The following HS3ST4 variants were observed in gnomAD, a reference collection of about 807,000 sequenced individuals.
HS3ST4 encodes heparan sulfate-glucosamine 3-sulfotransferase 4.
HS3ST4 carries 17 observed loss-of-function variants against 29.2 expected under a neutral mutation model. The observed-to-expected ratio is 0.58, with a 90% CI of 0.40 to 0.87. The LOEUF (loss-of-function observed/expected upper bound fraction) is 0.87. Among genes scored for constraint, HS3ST4 ranks in the 40% least tolerant of loss-of-function variants. The pLI is 0.00. For synonymous variants in HS3ST4, 314 were observed against 285.7 expected (o/e 1.10, Z -1.00); for missense variants, 627 against 634.5 (o/e 0.99, Z 0.13).
chr16:25,705,301 T>TA lies in HS3ST4; in HGVS notation c.734+12151dup, dbSNP rs1472913969. 2.0e-5 allele frequency among the ~76,000 whole-genome samples: 3 copies of TA among 152,168 alleles called. No individual in the cohort carries two copies. The East Asian group carries it at 5.8e-4, about 29-fold the overall frequency. ...TTGGGAGCCCCTGGAGATGAGGAAA[T>TA]ATTTGAGTCAAACTACGTGGGCACC... is the stretch of plus-strand genomic sequence containing the variant. On this transcript the variant is annotated intron_variant, in intron 1 of 1. Coordinates refer to ENST00000331351, the MANE Select transcript of HS3ST4 (RefSeq NM_006040.3).
At chr16:25,883,754 C>T (rs1196591576) in intron 1 of HS3ST4, among the ~76,000 whole-genome samples, 1 of 152,110 alleles carries the variant, frequency 6.6e-6, no homozygotes, top group Non-Finnish European at 1.5e-5. Context: ...TACTTGTTAC[C>T]ATTTTGCAGA....
chr16:25,694,660 TAAA>T lies in HS3ST4; in HGVS notation c.734+1510_734+1512del, dbSNP rs1186786741. 2.6e-5 allele frequency among the ~76,000 whole-genome samples: 4 copies of T among 152,250 alleles called. No homozygotes were observed. The East Asian group carries it at 7.7e-4, about 29-fold the overall frequency. ...GATGATTAATGCAGCAACAGCAAAA[TAAA>T]GAAGGGGCACGATGTCTGGGAAGGT... On this transcript the variant is annotated intron_variant, in intron 1 of 1. Coordinates refer to ENST00000331351, the MANE Select transcript of HS3ST4 (RefSeq NM_006040.3).
chr16:26,046,797 T>G (rs1898273827), intron 1 of HS3ST4, among the ~76,000 whole-genome samples: 1 of 152,136 alleles, frequency 6.6e-6, no homozygotes, highest in Admixed American at 6.5e-5. Flanking sequence ...TCCAAAGCCT[T>G]TTACATTCAT....
chr16:25,910,507 G>A (rs1968228006), intron 1 of HS3ST4, among the ~76,000 whole-genome samples: 1 of 152,070 alleles, frequency 6.6e-6, no homozygotes, highest in African/African-American at 2.4e-5. Flanking sequence ...GCCAGGTGTG[G>A]TGGTGGGTGC....
rs185180256 is a variant in HS3ST4, at chr16:26,105,669, C to T, written c.735-29943C>T. On this transcript the variant is annotated intron_variant, in intron 1 of 1. Transcript: ENST00000331351. ...TCTGCCCACTCTCCCAATCTTCTTTCCAGTCACGCTAACCTCTCCCTGGTC... is the reference window on the plus strand; with the variant it reads ...TCTGCCCACTCTCCCAATCTTCTTTTCAGTCACGCTAACCTCTCCCTGGTC... Among the ~76,000 whole-genome samples, 212 of 152,356 alleles carry T rather than the reference C, an allele frequency of 1.4e-3. 1 individual carries two copies. Among genetic ancestry groups the T allele is most frequent in the Admixed American group, 3.2e-3 (49 of 15,308 alleles).
At chr16:25,960,457 A>G (rs1355735065) in intron 1 of HS3ST4, among the ~76,000 whole-genome samples, 1 of 152,238 alleles carries the variant, frequency 6.6e-6, no homozygotes, top group African/African-American at 2.4e-5. Flanking sequence ...GTGATTCATC[A>G]TCACAGTTGT....
At chr16:25,774,760 A>G (rs77992910) in intron 1 of HS3ST4, among the ~76,000 whole-genome samples, 2 of 152,218 alleles carry the variant, frequency 1.3e-5, no homozygotes, top group Non-Finnish European at 2.9e-5. Flanking sequence ...TTCTGCATGC[A>G]GTACCTACAT....
intron 1 of HS3ST4, among the ~76,000 whole-genome samples, chr16:25,798,485 G>A (rs1406376805): frequency 1.3e-5 from 2 of 152,152 alleles, no homozygotes; most frequent in African/African-American, 4.8e-5. Context: ...GCTGAATATG[G>A]CAATCATACA....
rs1387776551 is a variant in HS3ST4, at chr16:25,944,131, G to A, written c.735-191481G>A. Among the ~76,000 whole-genome samples, 4 of 152,142 alleles carry A rather than the reference G, an allele frequency of 2.6e-5. No homozygotes were observed. The South Asian group carries it at 6.2e-4, about 24-fold the overall frequency. ...CCTCTTTTTCCACATTTGTTAGTGC[G>A]GCAATTTCCTTACTCCCTAGTTCAG... On this transcript the variant is annotated intron_variant, in intron 1 of 1. Transcript: ENST00000331351.
chr16:26,043,877 T>A (rs1898234855), intron 1 of HS3ST4, among the ~76,000 whole-genome samples: 1 of 152,180 alleles, frequency 6.6e-6, no homozygotes, highest in Non-Finnish European at 1.5e-5. Flanking sequence ...CCTCCCCCTC[T>A]TCATTCTCCC....
intron 1 of HS3ST4, among the ~76,000 whole-genome samples, chr16:25,778,898 T>C (rs1966850204): frequency 6.6e-6 from 1 of 152,150 alleles, no homozygotes; most frequent in Non-Finnish European, 1.5e-5. Context: ...CGATTGCAAA[T>C]CAAATCTTAC....
At chr16:26,004,605 A>G (rs912988278) in intron 1 of HS3ST4, among the ~76,000 whole-genome samples, 1 of 152,194 alleles carries the variant, frequency 6.6e-6, no homozygotes, top group South Asian at 2.1e-4. Flanking sequence ...TGATACACAT[A>G]TACAATAGTG....
chr16:26,099,339 G>C (rs1290373904), intron 1 of HS3ST4, among the ~76,000 whole-genome samples: 2 of 152,202 alleles, frequency 1.3e-5, no homozygotes, highest in African/African-American at 4.8e-5. Context: ...AAATTTTTGT[G>C]GAGTTGGAGC....
intron 1 of HS3ST4, among the ~76,000 whole-genome samples, chr16:26,098,585 G>T (rs1222670246): frequency 1.3e-5 from 2 of 152,112 alleles, no homozygotes. Context: ...GGCCTGTCAG[G>T]GGGTGGCAGG....
chr16:25,936,821 A>G (rs1968521252), intron 1 of HS3ST4, among the ~76,000 whole-genome samples: 1 of 152,250 alleles, frequency 6.6e-6, no homozygotes, highest in Non-Finnish European at 1.5e-5. Flanking sequence ...GTGGGACTCT[A>G]GGAAATATAG....
At chr16:25,956,241 A>C (rs1323323198) in intron 1 of HS3ST4, among the ~76,000 whole-genome samples, 1 of 152,196 alleles carries the variant, frequency 6.6e-6, no homozygotes, top group Admixed American at 6.5e-5. Flanking sequence ...AAATGCCTCC[A>C]TGATTTCGTT....
intron 1 of HS3ST4, among the ~76,000 whole-genome samples, chr16:25,916,609 G>A (rs1345965419): frequency 1.3e-5 from 2 of 150,556 alleles, no homozygotes; most frequent in African/African-American, 2.4e-5. Flanking sequence ...TGATCCGCCC[G>A]CCTTGGGCTC....
intron 1 of HS3ST4, among the ~76,000 whole-genome samples, chr16:25,863,835 T>C (rs1967662845): frequency 4.6e-5 from 7 of 152,252 alleles, no homozygotes; most frequent in Admixed American, 4.6e-4. Flanking sequence ...GGGTGGCTGC[T>C]TAGTCCGCCA....
chr16:26,087,240 G>A (rs1230921370), intron 1 of HS3ST4, among the ~76,000 whole-genome samples: 1 of 152,204 alleles, frequency 6.6e-6, no homozygotes, highest in African/African-American at 2.4e-5. Flanking sequence ...ATGCAGAGTG[G>A]ACACTTCCAA....
Sources: allele counts gnomAD v4.1 joint callset (sites outside exome capture counted in the v4.1 genomes callset), GRCh38; gene constraint gnomAD v4.1.1; transcripts MANE v1.5; gene names NCBI Gene and HGNC (gene_info 2026-07-23, HGNC 2026-07-21).